Variants in CFAP210 observed in about 807,000 individuals in gnomAD.
CFAP210 encodes cilia- and flagella- associated protein 210.
chr2:169,669,541 C>A, the CFAP210 span, among the ~76,000 whole-genome samples: 5 of 151,788 alleles, frequency 3.3e-5, no homozygotes, highest in Non-Finnish European at 5.9e-5. Context: ...TGAGAGTGGC[C>A]TGGACTAGAT....
At chr2:169,653,923 C>T in the CFAP210 span, among the ~76,000 whole-genome samples, 1 of 152,142 alleles carries the variant, frequency 6.6e-6, no homozygotes, top group African/African-American at 2.4e-5. Flanking sequence ...AAGATGATGT[C>T]CTCACACCCA....
the CFAP210 span, among the ~76,000 whole-genome samples, chr2:169,663,172 C>T: frequency 0.14 from 21,832 of 152,114 alleles, 1,675 homozygotes; most frequent in Non-Finnish European, 0.18. Context: ...GGCAAGACAG[C>T]GCAAGTCCAA....
At chr2:169,649,886 G>A in the CFAP210 span, among the ~76,000 whole-genome samples, 3 of 150,478 alleles carry the variant, frequency 2.0e-5, no homozygotes, top group East Asian at 2.0e-4. Flanking sequence ...AGCTGAGATC[G>A]CACCACTGCA....
chr2:169,674,442 G>A, the CFAP210 span: 1 of 690,076 alleles, frequency 1.4e-6, no homozygotes, highest in Non-Finnish European at 2.3e-6. Context: ...AAGTGATAGC[G>A]ATTTTTAACC....
At chr2:169,662,945 T>A in the CFAP210 span, among the ~76,000 whole-genome samples, 6 of 152,242 alleles carry the variant, frequency 3.9e-5, no homozygotes, top group African/African-American at 1.4e-4. Context: ...TGAGCCTCCC[T>A]GGCTATCTTT....
the CFAP210 span, among the ~76,000 whole-genome samples, chr2:169,682,809 A>ATAT: frequency 6.6e-6 from 1 of 152,184 alleles, no homozygotes; most frequent in Non-Finnish European, 1.5e-5. Flanking sequence ...AACATACCAT[A>ATAT]TATTAACTAT....
At chr2:169,683,507 C>G in the CFAP210 span, among the ~76,000 whole-genome samples, 1 of 152,216 alleles carries the variant, frequency 6.6e-6, no homozygotes, top group Non-Finnish European at 1.5e-5. Context: ...GTTAAACCAT[C>G]TGCCTTTTGA....
the CFAP210 span, among the ~76,000 whole-genome samples, chr2:169,667,507 T>C: frequency 6.6e-6 from 1 of 152,102 alleles, no homozygotes; most frequent in Non-Finnish European, 1.5e-5. Flanking sequence ...TTTCCCCAGA[T>C]CCATTAGAGG....
chr2:169,680,444 T>C, the CFAP210 span, among the ~76,000 whole-genome samples: 33 of 152,354 alleles, frequency 2.2e-4, no homozygotes, highest in South Asian at 4.1e-4. Flanking sequence ...ATACATAGAC[T>C]TATAAGTGAA....
the CFAP210 span, chr2:169,681,049 C>T: frequency 6.2e-7 from 1 of 1,613,894 alleles, no homozygotes; most frequent in Non-Finnish European, 8.5e-7. Context: ...CTTGAGATCG[C>T]AAATGCATTT....
the CFAP210 span, among the ~76,000 whole-genome samples, chr2:169,693,305 C>A: frequency 6.6e-6 from 1 of 152,208 alleles, no homozygotes; most frequent in African/African-American, 2.4e-5. Flanking sequence ...TTAGGTAAAT[C>A]TAAACCAGGT....
the CFAP210 span, among the ~76,000 whole-genome samples, chr2:169,669,312 G>A: frequency 3.3e-5 from 5 of 152,282 alleles, no homozygotes; most frequent in African/African-American, 4.8e-5. Flanking sequence ...AGGAGGTTGC[G>A]AAGTAGGCAG....
chr2:169,684,213 G>A, the CFAP210 span, among the ~76,000 whole-genome samples: 1 of 152,140 alleles, frequency 6.6e-6, no homozygotes, highest in South Asian at 2.1e-4. Context: ...GCAAGCAGGA[G>A]AGAGGGGACA....
the CFAP210 span, chr2:169,661,362 C>T: frequency 1.9e-5 from 8 of 413,424 alleles, no homozygotes; most frequent in Admixed American, 2.4e-4. Flanking sequence ...TTTTCAGGCA[C>T]TGCTTGTAAT....
the CFAP210 span, among the ~76,000 whole-genome samples, chr2:169,649,730 G>A: frequency 6.6e-6 from 1 of 152,044 alleles, no homozygotes; most frequent in Non-Finnish European, 1.5e-5. Flanking sequence ...TCAGGAGTTC[G>A]AGACCAGCCT....
At chr2:169,660,613 T>G in the CFAP210 span, among the ~76,000 whole-genome samples, 1 of 149,790 alleles carries the variant, frequency 6.7e-6, no homozygotes, top group East Asian at 1.9e-4. Context: ...TATTTTTTTT[T>G]TTTTCTTTGA....
the CFAP210 span, among the ~76,000 whole-genome samples, chr2:169,677,667 T>C: frequency 6.6e-6 from 1 of 152,210 alleles, no homozygotes; most frequent in Non-Finnish European, 1.5e-5. Flanking sequence ...AAGGCAAGAA[T>C]ATCTACCTTC....
the CFAP210 span, chr2:169,658,325 A>G: frequency 6.6e-6 from 1 of 152,536 alleles, no homozygotes; most frequent in African/African-American, 2.4e-5. Context: ...GAAAAAAGTG[A>G]TAGTAGAAAA....
the CFAP210 span, chr2:169,674,928 T>C: frequency 6.5e-7 from 1 of 1,537,452 alleles, no homozygotes; most frequent in South Asian, 1.3e-5. Context: ...TTCAATGGCC[T>C]TTTTTCTTTT....
Sources: gnomAD v4.1 joint callset for allele counts (sites outside exome capture counted in the v4.1 genomes callset) on GRCh38, gnomAD v4.1.1 for gene constraint, MANE v1.5 for transcripts, NCBI Gene and HGNC (gene_info 2026-07-23, HGNC 2026-07-21) for gene names.